The following XPO4 variants were observed in gnomAD, a reference collection of about 807,000 sequenced individuals.
XPO4 encodes exportin-4.
XPO4 carries 39 observed loss-of-function variants against 143.0 expected under a neutral mutation model. The observed-to-expected ratio is 0.27, with a 90% CI of 0.21 to 0.36. The LOEUF (loss-of-function observed/expected upper bound fraction) is 0.36. Among genes scored for constraint, XPO4 ranks in the 10% least tolerant of loss-of-function variants. XPO4 has a pLI of 1.00. For synonymous variants in XPO4, 439 were observed against 474.0 expected, an observed-to-expected ratio of 0.93 and a Z score of 0.96; for missense variants, 907 against 1,348.0, an observed-to-expected ratio of 0.67 and a Z score of 5.12.
intron 15 of XPO4, among the ~76,000 whole-genome samples, chr13:20,799,877 T>G (rs1419273944): frequency 6.6e-6 from 1 of 152,220 alleles, no homozygotes; most frequent in Non-Finnish European, 1.5e-5. Flanking sequence ...ATAAAAGTGT[T>G]TGCAACACGA....
rs547741891 is a variant in XPO4, at chr13:20,897,055, A to G, written c.69+5615T>C. Among the ~76,000 whole-genome samples, 4 of 152,280 alleles carry G rather than the reference A, an allele frequency of 2.6e-5. No homozygotes were observed. The South Asian group carries it at 8.3e-4, about 32-fold the overall frequency. ...ACTGAATTTGAAACATAAATTTCCTATTAATTAGCTTTTTTGAGAAAAAGA... is the reference window on the plus strand; with the variant it reads ...ACTGAATTTGAAACATAAATTTCCTGTTAATTAGCTTTTTTGAGAAAAAGA... On this transcript the variant is annotated intron_variant, in intron 1 of 22. Coordinates refer to ENST00000255305, the MANE Select transcript of XPO4 (RefSeq NM_022459.5).
At chr13:20,864,742 T>C (rs953742042) in intron 2 of XPO4, among the ~76,000 whole-genome samples, 5 of 152,132 alleles carry the variant, frequency 3.3e-5, no homozygotes, top group African/African-American at 2.4e-5. Flanking sequence ...GGGGCAGTTA[T>C]AGAAGATGAA....
intron 18 of XPO4, among the ~76,000 whole-genome samples, chr13:20,790,873 T>G (rs2059271426): frequency 6.6e-6 from 1 of 152,114 alleles, no homozygotes; most frequent in Non-Finnish European, 1.5e-5. Context: ...CAGGGGACAG[T>G]CTAGAAATAA....
intron 1 of XPO4, among the ~76,000 whole-genome samples, chr13:20,887,646 G>C (rs1035401181): frequency 2.0e-5 from 3 of 152,084 alleles, no homozygotes; most frequent in Non-Finnish European, 4.4e-5. Flanking sequence ...CTTGAAGTCA[G>C]GAGTTTGAGA....
In XPO4 at chr13:20,783,498, C is replaced by A. The variant is rs557848756; in HGVS notation, c.*224G>T. ...AAAATTTTAAATCACCATTCAGAATCTAAAAGACATATATATGACAGATTG... is the reference window on the plus strand; with the variant it reads ...AAAATTTTAAATCACCATTCAGAATATAAAAGACATATATATGACAGATTG... On this transcript the variant is annotated 3_prime_UTR_variant, in exon 23 of 23. Transcript: ENST00000255305. The A allele has an allele frequency of 1.1e-5, 6 of 554,772 alleles. No homozygotes were observed. The highest frequency in any genetic ancestry group is 2.5e-5 in the South Asian group (1 of 40,294). 34.4% of individuals were successfully genotyped at this position (554,772 alleles called of 1,614,324 possible).
rs996813874 is a variant in XPO4, at chr13:20,781,900, A to C, written c.*1822T>G. 3 of 152,142 alleles carry C rather than the reference A, an allele frequency of 2.0e-5. No individual in the cohort carries two copies. Among genetic ancestry groups the C allele is most frequent in the Non-Finnish European group, 2.9e-5 (2 of 68,016 alleles). The allele number at this position is 152,142 out of a possible 1,614,324, so 9.4% of individuals were successfully genotyped here. On this transcript the variant is annotated 3_prime_UTR_variant, in exon 23 of 23. Coordinates refer to ENST00000255305, the MANE Select transcript of XPO4 (RefSeq NM_022459.5). ...CAAGTTTTTTAAGGGGAAAAAAAAA[A>C]CACCTAAAAATAAATGCATCAAAGT...
intron 3 of XPO4, chr13:20,857,979 A>G: frequency 1.0e-6 from 1 of 985,172 alleles, no homozygotes; most frequent in Non-Finnish European, 1.2e-6. Flanking sequence ...AGTCTACTAC[A>G]TAGCCTATAG....
At chr13:20,832,888 C>T (rs957094039) in intron 6 of XPO4, among the ~76,000 whole-genome samples, 20 of 151,960 alleles carry the variant, frequency 1.3e-4, no homozygotes, top group Non-Finnish European at 4.4e-5. Context: ...ACTCTATAAT[C>T]CAGTTAGCTT....
chr13:20,852,196 G>A, intron 4 of XPO4: 4 of 985,438 alleles, frequency 4.1e-6, no homozygotes, highest in Non-Finnish European at 4.8e-6. Flanking sequence ...AGATCTCAGA[G>A]TTACTAGTAA....
Position 20,843,065 on chromosome 13 carries a change from A to G in XPO4, c.574-17T>C. On this transcript the variant is annotated splice_polypyrimidine_tract_variant and intron_variant, in intron 5 of 22. Transcript: ENST00000255305. ...GTCTTCTTCCTATAGTCAATAAATC[A>G]CAAATATTTTATATGAAAAATTTAT... The G allele has an allele frequency of 6.3e-7, 1 of 1,575,424 alleles. No homozygotes were observed. The highest frequency in any genetic ancestry group is 8.6e-7 in the Non-Finnish European group (1 of 1,158,706).
At chr13:20,830,156 C>T (rs774140139) in intron 6 of XPO4, among the ~76,000 whole-genome samples, 3 of 152,106 alleles carry the variant, frequency 2.0e-5, no homozygotes, top group Non-Finnish European at 4.4e-5. Flanking sequence ...CCCTGATGCC[C>T]AATTCCATGG....
intron 1 of XPO4, among the ~76,000 whole-genome samples, chr13:20,899,567 C>T (rs543078080): frequency 7.2e-5 from 11 of 152,076 alleles, no homozygotes; most frequent in Non-Finnish European, 1.3e-4. Flanking sequence ...AAGCTCTAGA[C>T]CCTATTACTA....
At chr13:20,902,452 G>A (rs988682713) in intron 1 of XPO4, 2 of 985,332 alleles carry the variant, frequency 2.0e-6, no homozygotes, top group Non-Finnish European at 2.4e-6. Context: ...GGGGTGCTGG[G>A]CAGCCAGGGG....
At chr13:20,853,502 A>T (rs2060111684) in intron 4 of XPO4, among the ~76,000 whole-genome samples, 2 of 152,108 alleles carry the variant, frequency 1.3e-5, no homozygotes. Flanking sequence ...TAAATTTAAA[A>T]AAAGTAGCTC....
intron 13 of XPO4, 144 bp from the exon 14 acceptor site, chr13:20,801,134 T>C: frequency 1.1e-6 from 1 of 891,172 alleles, no homozygotes; most frequent in Non-Finnish European, 1.7e-6. Context: ...CTACAGAGTT[T>C]TAGACAACTG....
At chr13:20,787,667 G>T in intron 20 of XPO4, 69 bp from the exon 21 acceptor site, 1 of 1,337,540 alleles carries the variant, frequency 7.5e-7, no homozygotes. Flanking sequence ...AAAAATTATA[G>T]CTAGTATTAA....
At chr13:20,837,613 T>G (rs1024592752) in intron 6 of XPO4, among the ~76,000 whole-genome samples, 2 of 152,100 alleles carry the variant, frequency 1.3e-5, no homozygotes, top group Admixed American at 1.3e-4. Context: ...ATTCTCAGGC[T>G]GTTGATAAAC....
intron 1 of XPO4, among the ~76,000 whole-genome samples, chr13:20,872,490 G>A (rs1244581090): frequency 6.6e-6 from 1 of 152,158 alleles, no homozygotes; most frequent in African/African-American, 2.4e-5. Context: ...ACAAAAGAGA[G>A]AGGCATTTAA....
intron 17 of XPO4, among the ~76,000 whole-genome samples, 165 bp from the exon 18 acceptor site, chr13:20,796,421 T>C (rs1419303562): frequency 6.6e-6 from 1 of 152,060 alleles, no homozygotes; most frequent in Admixed American, 6.5e-5. Flanking sequence ...ATTAAGAGTA[T>C]ATTTTTTTTA....
Sources: allele counts gnomAD v4.1 joint callset (sites outside exome capture counted in the v4.1 genomes callset), GRCh38; gene constraint gnomAD v4.1.1; transcripts MANE v1.5; gene names NCBI Gene and HGNC (gene_info 2026-07-23, HGNC 2026-07-21).